SMARCC2: variants seen among roughly 807,000 people sequenced by gnomAD.
SMARCC2 encodes the protein SWI/SNF related BAF chromatin remodeling complex subunit C2.
In SMARCC2, 15 loss-of-function variants were observed where a neutral mutation model predicts 151.3. That is an observed-to-expected ratio of 0.10 (90% CI 0.07 to 0.15). The LOEUF (loss-of-function observed/expected upper bound fraction) is 0.15. Among genes scored for constraint, SMARCC2 ranks in the 10% least tolerant of loss-of-function variants. SMARCC2 has a pLI of 1.00. For synonymous variants in SMARCC2, 590 were observed against 609.5 expected (o/e 0.97, Z 0.47); for missense variants, 1,031 against 1,599.7 (o/e 0.64, Z 6.06).
At position 56,165,489 on chromosome 12, in the gene SMARCC2, G is replaced by C. The variant is rs1233164620; in HGVS notation, c.3061C>G (p.Pro1021Ala). 2 of 1,576,728 alleles carry C rather than the reference G, an allele frequency of 1.3e-6. No homozygotes were observed. Among genetic ancestry groups the C allele is most frequent in the Non-Finnish European group, 1.7e-6 (2 of 1,161,080 alleles). Reference protein sequence around the residue: ...PPAVHGLAVAPASVVPAPAGS... With the variant: ...PPAVHGLAVAAASVVPAPAGS... ...GCAGGAGCAGGGACTACAGAGGCTG[G>C]AGCCACAGCCAAGCCATGGACTGCG... is the stretch of plus-strand genomic sequence containing the variant. The change falls in exon 27 of 29, where the codon CCA (proline) becomes GCA (alanine). Residue 1021 changes from proline (P) to alanine (A), a missense_variant. By Grantham distance (27) the Pro-to-Ala change is conservative. Coordinates refer to ENST00000550164, the MANE Select transcript of SMARCC2 (RefSeq NM_001330288.2).
At chr12:56,172,881 G>A (rs1371910602) in intron 18 of SMARCC2, 56 bp downstream of exon 18, 2 of 1,592,134 alleles carry the variant, frequency 1.3e-6, no homozygotes, top group Non-Finnish European at 1.7e-6. Context: ...TCCCGGGCAG[G>A]GGCCCCCCAA....
rs1452323749 is a variant in SMARCC2, at chr12:56,180,989, G to A, written c.1069C>T (p.Leu357Phe). Reference sequence around the variant, plus strand: ...GCCTGGCCTGTACCTGTTTTGGGAAGTGTCACCTCTTCTACATTGGGGACT... The same window carrying A: ...GCCTGGCCTGTACCTGTTTTGGGAAATGTCACCTCTTCTACATTGGGGACT... ...SPVPNVEEVTLPKTVNTKKDS... is the reference protein window; with the variant it reads ...SPVPNVEEVTFPKTVNTKKDS... The change falls in exon 11 of 29, where the codon CTT becomes TTT. Residue 357 changes from leucine to phenylalanine, a missense_variant. Transcript: ENST00000550164. 1.2e-6 allele frequency: 2 copies of A among 1,613,270 alleles called. No individual in the cohort carries two copies. The highest frequency in any genetic ancestry group is 3.3e-5 in the Admixed American group (2 of 59,882).
At position 56,164,579 on chromosome 12, in the gene SMARCC2, G is replaced by A. The variant is rs981352626; in HGVS notation, c.3385C>T (p.Pro1129Ser). Reference sequence around the variant, plus strand: ...ATGGAGTCAGCTAGACTACCAAATGGGATGATGGATGGAGCAGGAGGAGGA... The same window carrying A: ...ATGGAGTCAGCTAGACTACCAAATGAGATGATGGATGGAGCAGGAGGAGGA... ...PPPPPAPSII[P>S]FGSLADSISI... The change falls in exon 28 of 29, where the codon CCA becomes TCA. Residue 1129 changes from proline (P) to serine (S), a missense_variant. Around this residue, in one of 12 missense-constraint regions of SMARCC2, gnomAD observed 310 missense variants for 350.0 expected, o/e 0.89. Coordinates refer to ENST00000550164, the MANE Select transcript of SMARCC2 (RefSeq NM_001330288.2). 1.9e-6 allele frequency: 3 copies of A among 1,613,956 alleles called. No individual in the cohort carries two copies. Among genetic ancestry groups the A allele is most frequent in the Non-Finnish European group, 2.5e-6 (3 of 1,179,980 alleles).
Position 56,178,006 on chromosome 12 carries a change from G to A in SMARCC2, c.1382+16C>T. 1 of 1,560,622 alleles carries A rather than the reference G, an allele frequency of 6.4e-7. No homozygotes were observed. The highest frequency in any genetic ancestry group is 8.8e-7 in the Non-Finnish European group (1 of 1,134,004). On this transcript the variant is annotated intron_variant, in intron 15 of 28. Coordinates refer to ENST00000550164, the MANE Select transcript of SMARCC2 (RefSeq NM_001330288.2). ...ACAGGAGGGAGAAGGAGAATCATGA[G>A]ATGAGATTTCCTTACATCTCTGGAG... is the stretch of plus-strand genomic sequence containing the variant.
intron 1 of SMARCC2, 77 bp downstream of exon 1, chr12:56,189,274 C>T (rs1877911653): frequency 1.2e-6 from 1 of 868,600 alleles, no homozygotes; most frequent in Non-Finnish European, 1.7e-6. Context: ...GGAGGGTAGG[C>T]AGGATCCCGG....
intron 5 of SMARCC2, 152 bp from the exon 6 acceptor site, chr12:56,184,396 G>A: frequency 1.6e-6 from 1 of 611,116 alleles, no homozygotes; most frequent in South Asian, 2.1e-5. Context: ...GTGGCAGAGG[G>A]AAACAGCTGG....
chr12:56,162,400 AAGAAAG>A lies in SMARCC2; in HGVS notation c.*1283_*1288del. The A allele has an allele frequency of 1.5e-6, 1 of 646,822 alleles. No individual in the cohort carries two copies. Among genetic ancestry groups the A allele is most frequent in the Non-Finnish European group, 2.7e-6 (1 of 366,534 alleles). The allele number at this position is 646,822 out of a possible 1,614,324, so 40.1% of individuals were successfully genotyped here. ...TTAATTTATAAAAAAAAAAAAAAGA[AAGAAAG>A]AAAAAAAGAGAAAATTTACAGAAAA... On this transcript the variant is annotated 3_prime_UTR_variant, in exon 29 of 29. Transcript: ENST00000550164.
At chr12:56,178,725 G>A in intron 13 of SMARCC2, 85 bp downstream of exon 13, 3 of 1,494,136 alleles carry the variant, frequency 2.0e-6, no homozygotes, top group South Asian at 1.1e-5. Context: ...TAAAGTCTGG[G>A]CAGTGAAAAG....
intron 26 of SMARCC2, 63 bp downstream of exon 26, chr12:56,167,996 AC>A: frequency 7.3e-7 from 1 of 1,365,066 alleles, no homozygotes; most frequent in East Asian, 2.3e-5. Flanking sequence ...ACACACACAC[AC>A]ACGCCCCTCC....
intron 7 of SMARCC2, 103 bp downstream of exon 7, chr12:56,183,758 T>G: frequency 1.4e-6 from 1 of 713,190 alleles, no homozygotes; most frequent in South Asian, 1.9e-5. Context: ...AATTAAGTGA[T>G]CTAAAAATAA....
At chr12:56,178,121 A>G in intron 14 of SMARCC2, 28 bp from the exon 15 acceptor site, 2 of 1,590,550 alleles carry the variant, frequency 1.3e-6, no homozygotes, top group South Asian at 1.1e-5. Flanking sequence ...ATGGTTTCAG[A>G]AGAAGGCATT....
rs1265480763 is a variant in SMARCC2, at chr12:56,165,659, G to C, written c.2891C>G (p.Ala964Gly). ...ATACTTCAGCTGCTCCATGTGGAAG[G>C]CTTGTCTGTCGGCCAGGAGCTGCTG... Reference protein sequence around the residue: ...QRQQLLADRQAFHMEQLKYAE... With the variant: ...QRQQLLADRQGFHMEQLKYAE... The change falls in exon 27 of 29, where the codon GCC becomes GGC. Residue 964 changes from alanine to glycine, a missense_variant. Ala to Gly is a moderately conservative substitution (Grantham distance 60). Around this residue, in one of 12 missense-constraint regions of SMARCC2, gnomAD observed 49 missense variants for 134.8 expected, o/e 0.36. Transcript: ENST00000550164. 1 of 1,612,766 alleles carries C rather than the reference G, an allele frequency of 6.2e-7. No individual in the cohort carries two copies. Among genetic ancestry groups the C allele is most frequent in the Non-Finnish European group, 8.5e-7 (1 of 1,180,044 alleles).
intron 22 of SMARCC2, 111 bp from the exon 23 acceptor site, chr12:56,170,319 G>A (rs1420383421): frequency 2.1e-6 from 2 of 936,706 alleles, no homozygotes; most frequent in Non-Finnish European, 1.7e-6. Context: ...GCCCAGGTTG[G>A]TCTCAAACTC....
In SMARCC2 at chr12:56,169,777, T is replaced by C. The variant is rs764297170; in HGVS notation, c.2547A>G (p.Ile849Met). The stretch of plus-strand genomic sequence containing the variant: ...CACCTACCCTTGTGGGAGGCTCACC[T>C]ATTGGGTCTCCATCACTCTTCTCGG... ...KESEKSDGDPIVDPEKEKEPK... is the reference protein window; with the variant it reads ...KESEKSDGDPMVDPEKEKEPK... The change falls in exon 24 of 29, where the codon ATA (isoleucine) becomes ATG (methionine). Residue 849 changes from isoleucine (I) to methionine (M), a missense_variant and splice_region_variant. By Grantham distance (10) the Ile-to-Met change is conservative (BLOSUM62 1). Transcript: ENST00000550164. 18 of 1,614,160 alleles carry C rather than the reference T, an allele frequency of 1.1e-5. No individual in the cohort carries two copies. Among genetic ancestry groups the C allele is most frequent in the Non-Finnish European group, 1.5e-5 (18 of 1,180,020 alleles).
chr12:56,180,938 G>A, intron 11 of SMARCC2, 39 bp downstream of exon 11: 1 of 1,585,444 alleles, frequency 6.3e-7, no homozygotes. Context: ...TCAAGACGGG[G>A]AGTGGGGGTG....
chr12:56,186,003 C>T (rs1592326393), intron 3 of SMARCC2, 152 bp downstream of exon 3: 1 of 645,994 alleles, frequency 1.5e-6, no homozygotes, highest in East Asian at 2.6e-5. Flanking sequence ...GGCTCTGACT[C>T]CCAACCATCT....
Position 56,169,929 on chromosome 12 carries a change from G to C in SMARCC2, c.2413-18C>G, listed in dbSNP as rs1253777590. ...CGGGGTTCCTGAAATTCCAGTGATA[G>C]AAAAGGAGAGTTATCAGGGATTAGG... On this transcript the variant is annotated intron_variant, in intron 23 of 28. Transcript: ENST00000550164. The C allele has an allele frequency of 6.2e-7, 1 of 1,611,526 alleles. No homozygotes were observed.
intron 2 of SMARCC2, chr12:56,186,633 A>G (rs926800438): frequency 4.6e-6 from 1 of 219,260 alleles, no homozygotes; most frequent in Non-Finnish European, 9.2e-6. Flanking sequence ...TACAGGCGTG[A>G]GCCACCACGC....
Position 56,178,539 on chromosome 12 carries a change from G to A in SMARCC2, c.1180-5C>T, listed in dbSNP as rs766497994. The A allele has an allele frequency of 6.2e-6, 10 of 1,614,020 alleles. No homozygotes were observed. Among genetic ancestry groups the A allele is most frequent in the Admixed American group, 1.7e-5 (1 of 60,000 alleles). On this transcript the variant is annotated splice_polypyrimidine_tract_variant and splice_region_variant and intron_variant, in intron 13 of 28. Transcript: ENST00000550164. ...CGTACTGTTCTCATCCTCATCCTAC[G>A]AGTATGGAGGCTGCTGGACACTCAG...
Sources: allele counts gnomAD v4.1 joint callset, GRCh38; gene constraint gnomAD v4.1.1; regional missense constraint gnomAD v4.1.1; transcripts MANE v1.5; gene names NCBI Gene and HGNC (gene_info 2026-07-23, HGNC 2026-07-21).